Variants in SLC44A1 observed in about 807,000 individuals in gnomAD.
SLC44A1 encodes the protein solute carrier family 44 member 1, also known as choline transporter-like protein 1.
In SLC44A1, 26 loss-of-function variants were observed where a neutral mutation model predicts 79.3. The observed-to-expected ratio is 0.33, with a 90% CI of 0.24 to 0.46. The LOEUF (loss-of-function observed/expected upper bound fraction) is 0.46, where lower values mean the gene tolerates loss of function less well. SLC44A1 is among the 20% of genes least tolerant of loss of function. The pLI, the probability that SLC44A1 is intolerant of heterozygous loss-of-function variation, is 1.00. For synonymous variants in SLC44A1, 263 were observed against 286.2 expected, an observed-to-expected ratio of 0.92 and a Z score of 0.82; for missense variants, 688 against 798.1, an observed-to-expected ratio of 0.86 and a Z score of 1.66.
At chr9:105,319,765 T>C (rs1281180706) in intron 3 of SLC44A1, among the ~76,000 whole-genome samples, 1 of 152,248 alleles carries the variant, frequency 6.6e-6, no homozygotes, top group Non-Finnish European at 1.5e-5. Flanking sequence ...GATCTCTTTC[T>C]GAGTAAGGTT....
At chr9:105,369,999 A>G (rs1276752729) in intron 12 of SLC44A1, among the ~76,000 whole-genome samples, 2 of 152,240 alleles carry the variant, frequency 1.3e-5, no homozygotes, top group Non-Finnish European at 2.9e-5. Context: ...AATATTCTCA[A>G]GCTTGTGTCC....
chr9:105,278,492 C>T (rs1426233747), intron 1 of SLC44A1, among the ~76,000 whole-genome samples: 2 of 152,212 alleles, frequency 1.3e-5, no homozygotes, highest in South Asian at 2.1e-4. Flanking sequence ...TCGTGATCCA[C>T]CCGCCTCGGC....
At chr9:105,350,145 C>T (rs1827360551) in intron 5 of SLC44A1, among the ~76,000 whole-genome samples, 1 of 152,112 alleles carries the variant, frequency 6.6e-6, no homozygotes, top group African/African-American at 2.4e-5. Context: ...TGACGGCATG[C>T]TGTGTTTATG....
intron 1 of SLC44A1, among the ~76,000 whole-genome samples, chr9:105,281,071 G>A (rs934749588): frequency 8.5e-4 from 129 of 152,306 alleles, no homozygotes; most frequent in African/African-American, 3.0e-3. Context: ...GGAAGCATAA[G>A]ATAGACATAA....
intron 2 of SLC44A1, chr9:105,299,807 G>A: frequency 1.0e-6 from 1 of 986,332 alleles, no homozygotes; most frequent in Non-Finnish European, 1.2e-6. Flanking sequence ...GAAGGGACCT[G>A]GTGGTTTTCC....
chr9:105,372,708 T>C (rs1005534175), intron 12 of SLC44A1, among the ~76,000 whole-genome samples: 14 of 149,562 alleles, frequency 9.4e-5, no homozygotes, highest in African/African-American at 3.4e-4. Flanking sequence ...CCCAGCACTT[T>C]GGGAGGCCAA....
chr9:105,391,965 A>G lies in SLC44A1; in HGVS notation c.*2909A>G. 2 of 985,352 alleles carry G rather than the reference A, an allele frequency of 2.0e-6. No individual in the cohort carries two copies. The highest frequency in any genetic ancestry group is 2.4e-6 in the Non-Finnish European group (2 of 829,886). The allele number at this position is 985,352 out of a possible 1,614,324, so 61.0% of individuals were successfully genotyped here. On this transcript the variant is annotated 3_prime_UTR_variant, in exon 16 of 16. Coordinates refer to ENST00000374720, the MANE Select transcript of SLC44A1 (RefSeq NM_080546.5). ...TCGTGGTTTTTGCCATCAGATAATT[A>G]AGGCTCTGGTGCATAATTTAGACTT...
intron 1 of SLC44A1, among the ~76,000 whole-genome samples, chr9:105,267,791 G>A (rs77294069): frequency 0.01 from 1,542 of 152,100 alleles, 27 homozygotes; most frequent in African/African-American, 0.035. Flanking sequence ...ATTTAGGAAC[G>A]GGGCCCTAAA....
In SLC44A1 at chr9:105,304,827, C is replaced by A. The variant is rs147506410; in HGVS notation, c.127-4897C>A. Among the ~76,000 whole-genome samples the A allele has an allele frequency of 5.7e-4, 86 of 152,076 alleles. 1 individual carries two copies. The East Asian group carries it at 0.012, about 20-fold the overall frequency. ...TGAAATTGAGCCTATGATTTCACTC[C>A]CTCATGCTGATTATTTTCTTCCCTC... On this transcript the variant is annotated intron_variant, in intron 2 of 15. Transcript: ENST00000374720.
At chr9:105,346,276 C>A (rs1827244545) in intron 4 of SLC44A1, among the ~76,000 whole-genome samples, 1 of 151,996 alleles carries the variant, frequency 6.6e-6, no homozygotes, top group South Asian at 2.1e-4. Context: ...AGAGATAAGG[C>A]TATTATCCTT....
intron 1 of SLC44A1, among the ~76,000 whole-genome samples, chr9:105,250,024 G>A (rs1264188064): frequency 1.3e-5 from 2 of 151,446 alleles, no homozygotes; most frequent in African/African-American, 4.9e-5. Context: ...ACGAGCTCAC[G>A]CCTGGCTATT....
intron 1 of SLC44A1, among the ~76,000 whole-genome samples, chr9:105,246,353 T>C (rs1829447428): frequency 6.6e-6 from 1 of 151,656 alleles, no homozygotes; most frequent in Admixed American, 6.6e-5. Context: ...GTATCCATCC[T>C]ATCATCCTAT....
intron 3 of SLC44A1, among the ~76,000 whole-genome samples, chr9:105,324,377 A>C (rs1367776404): frequency 6.6e-6 from 1 of 151,164 alleles, no homozygotes; most frequent in Admixed American, 6.6e-5. Flanking sequence ...TAGCCTCCTG[A>C]GTATCTGGGA....
chr9:105,408,311 A>T (rs74942726), intron 15 of SLC44A1, among the ~76,000 whole-genome samples: 3 of 152,240 alleles, frequency 2.0e-5, no homozygotes, highest in South Asian at 4.1e-4. Context: ...AACTCTAGCT[A>T]TACAAAAAAA....
chr9:105,275,887 C>A (rs1425186902), intron 1 of SLC44A1, among the ~76,000 whole-genome samples: 1 of 151,512 alleles, frequency 6.6e-6, no homozygotes, highest in Non-Finnish European at 1.5e-5. Flanking sequence ...TCACTGCAAT[C>A]TCCGCCTCCT....
Position 105,332,065 on chromosome 9 carries a change from T to A in SLC44A1, c.270-3498T>A, listed in dbSNP as rs183879119. The stretch of plus-strand genomic sequence containing the variant: ...AACTTCATGTGTGTGCATTTGAATA[T>A]GTGAAAGGCATAGAGAATTAAGCTT... On this transcript the variant is annotated intron_variant, in intron 3 of 15. Transcript: ENST00000374720. 3.6e-3 allele frequency among the ~76,000 whole-genome samples: 547 copies of A among 152,214 alleles called. 1 individual carries two copies. The highest frequency in any genetic ancestry group is 0.01 in the Admixed American group (158 of 15,294).
At chr9:105,283,608 T>C (rs1267311311) in intron 1 of SLC44A1, among the ~76,000 whole-genome samples, 2 of 152,196 alleles carry the variant, frequency 1.3e-5, no homozygotes, top group Non-Finnish European at 2.9e-5. Context: ...GACCAGAAAT[T>C]TTTTGTCAGT....
intron 15 of SLC44A1, among the ~76,000 whole-genome samples, chr9:105,425,937 T>A (rs1009894806): frequency 6.6e-6 from 1 of 152,200 alleles, no homozygotes; most frequent in Non-Finnish European, 1.5e-5. Flanking sequence ...CAGATGAAGC[T>A]GGAGAGCTTC....
chr9:105,381,139 A>G (rs117265373), intron 13 of SLC44A1, among the ~76,000 whole-genome samples: 3,283 of 152,280 alleles, frequency 0.022, 79 homozygotes, highest in Non-Finnish European at 0.025. Context: ...TTTTAATGGC[A>G]TGGTGAGAGC....
Sources: allele counts gnomAD v4.1 joint callset (sites outside exome capture counted in the v4.1 genomes callset), GRCh38; gene constraint gnomAD v4.1.1; transcripts MANE v1.5; gene names NCBI Gene and HGNC (gene_info 2026-07-23, HGNC 2026-07-21).